MRPL53: variants seen among roughly 807,000 people sequenced by gnomAD.
MRPL53 encodes the protein mitochondrial ribosomal protein L53.
A neutral mutation model predicts 7.5 loss-of-function variants in MRPL53; 7 were observed. That is an observed-to-expected ratio of 0.93 (90% CI 0.53 to 1.75). The LOEUF (loss-of-function observed/expected upper bound fraction) is 1.75, where lower values mean the gene tolerates loss of function less well. MRPL53 is among the 40% of genes most tolerant of loss of function. The pLI, the probability that MRPL53 is intolerant of heterozygous loss-of-function variation, is 0.00. For missense variants in MRPL53, 185 were observed against 159.0 expected, an observed-to-expected ratio of 1.16 and a Z score of -0.88; for synonymous variants, 84 against 64.4, an observed-to-expected ratio of 1.30 and a Z score of -1.46.
Position 74,472,626 on chromosome 2 carries a change from G to C in MRPL53, c.35C>G (p.Pro12Arg), listed in dbSNP as rs968380682. The change falls in exon 1 of 3, where the codon CCT becomes CGT. Residue 12 changes from proline (P) to arginine (R), a missense_variant. Physicochemically the swap from Pro to Arg is moderately radical, Grantham distance 103 (BLOSUM62 -2). Coordinates refer to ENST00000258105, the MANE Select transcript of MRPL53 (RefSeq NM_053050.5). ...AAALARLGLR[P>R]VKQVRVQFCP... ...GAACTGAACCCGAACCTGTTTGACA[G>C]GCCGCAGACCAAGCCGAGCCAAGGC... The C allele has an allele frequency of 6.2e-7, 1 of 1,614,252 alleles. No homozygotes were observed. Among genetic ancestry groups the C allele is most frequent in the Admixed American group, 1.7e-5 (1 of 60,026 alleles).
Position 74,472,571 on chromosome 2 carries a change from C to A in MRPL53, c.90G>T (p.Thr30=). The A allele has an allele frequency of 6.2e-7, 1 of 1,614,254 alleles. No individual in the cohort carries two copies. The highest frequency in any genetic ancestry group is 8.5e-7 in the Non-Finnish European group (1 of 1,180,034). ...TTCTACCCACTTCCCCTTCGTACCT[C>A]GTCGATTCCACGTTTTTCTCGAAGG... ...FCPFEKNVES[T]RTFLQTVSSE... The change falls in exon 1 of 3, where the codon ACG becomes ACT. Residue 30 remains threonine (T), a splice_region_variant and synonymous_variant. Coordinates refer to ENST00000258105, the MANE Select transcript of MRPL53 (RefSeq NM_053050.5).
At position 74,472,601 on chromosome 2, in the gene MRPL53, G is replaced by A. The variant is rs1672207939; in HGVS notation, c.60C>T (p.Phe20=). 1 of 1,614,244 alleles carries A rather than the reference G, an allele frequency of 6.2e-7. No homozygotes were observed. The highest frequency in any genetic ancestry group is 2.2e-5 in the East Asian group (1 of 44,882). The part of the protein sequence containing the change: ...LRPVKQVRVQ[F]CPFEKNVEST... Reference sequence around the variant, plus strand: ...ATTCCACGTTTTTCTCGAAGGGACAGAACTGAACCCGAACCTGTTTGACAG... The same window carrying A: ...ATTCCACGTTTTTCTCGAAGGGACAAAACTGAACCCGAACCTGTTTGACAG... Residue 20 remains phenylalanine (F), a synonymous_variant, in exon 1 of 3, where the codon TTC becomes TTT. Coordinates refer to ENST00000258105, the MANE Select transcript of MRPL53 (RefSeq NM_053050.5).
chr2:74,472,280 G>C (rs775720800), intron 2 of MRPL53, 28 bp from the exon 3 acceptor site: 93 of 1,613,546 alleles, frequency 5.8e-5, no homozygotes, highest in Middle Eastern at 1.6e-4. Context: ...GAGTGAGACA[G>C]GGAGGGACCG....
In MRPL53 at chr2:74,472,582, C is replaced by A; in HGVS notation, c.79G>T (p.Val27Leu). ...RVQFCPFEKN[V>L]ESTRTFLQTV... ...TCCCCTTCGTACCTCGTCGATTCCA[C>A]GTTTTTCTCGAAGGGACAGAACTGA... Residue 27 changes from valine (V) to leucine (L), a missense_variant, in exon 1 of 3, where the codon GTG becomes TTG. Physicochemically the swap from Val to Leu is conservative, Grantham distance 32. Coordinates refer to ENST00000258105, the MANE Select transcript of MRPL53 (RefSeq NM_053050.5). The A allele has an allele frequency of 6.2e-7, 1 of 1,614,254 alleles. No individual in the cohort carries two copies. The highest frequency in any genetic ancestry group is 8.5e-7 in the Non-Finnish European group (1 of 1,180,044).
At chr2:74,472,336 T>C (rs1298093642) in intron 2 of MRPL53, 22 bp downstream of exon 2, 8 of 1,612,920 alleles carry the variant, frequency 5.0e-6, no homozygotes, top group Non-Finnish European at 6.8e-6. Flanking sequence ...TGTTCCCTCC[T>C]GCCCGTCTCC....
chr2:74,472,367 C>T lies in MRPL53; in HGVS notation c.196G>A (p.Val66Met), dbSNP rs746344630. 9.3e-6 allele frequency: 15 copies of T among 1,613,784 alleles called. No individual in the cohort carries two copies. Among genetic ancestry groups the T allele is most frequent in the Admixed American group, 3.3e-5 (2 of 59,978 alleles). The change falls in exon 2 of 3, where the codon GTG becomes ATG. Residue 66 changes from valine to methionine, a missense_variant. Physicochemically the swap from Val to Met is conservative, Grantham distance 21 (BLOSUM62 1). Transcript: ENST00000258105. ...RHDGSEPCVDVLFGDGHRLIM... is the reference protein window; with the variant it reads ...RHDGSEPCVDMLFGDGHRLIM... ...TCTCCACCAAGCCCACCGAACAGCACGTCCACGCAGGGCTCGGAGCCGTCA... is the reference window on the plus strand; with the variant it reads ...TCTCCACCAAGCCCACCGAACAGCATGTCCACGCAGGGCTCGGAGCCGTCA...
In MRPL53 at chr2:74,472,124, G is replaced by A. The variant is rs749014275; in HGVS notation, c.334C>T (p.Arg112Cys). The change falls in exon 3 of 3, where the codon CGC becomes TGC. Residue 112 changes from arginine to cysteine, a missense_variant. Physicochemically the swap from Arg to Cys is radical, Grantham distance 180. Coordinates refer to ENST00000258105, the MANE Select transcript of MRPL53 (RefSeq NM_053050.5). The part of the protein sequence containing the change: ...SGDKPGADTG[R>C] ...TGTTGGTCTCTTTGGCGCTGTCAGCGACCAGTATCAGCGCCCGGCTTGTCC... is the reference window on the plus strand; with the variant it reads ...TGTTGGTCTCTTTGGCGCTGTCAGCAACCAGTATCAGCGCCCGGCTTGTCC... 5 of 1,613,800 alleles carry A rather than the reference G, an allele frequency of 3.1e-6. No individual in the cohort carries two copies. In the East Asian group the frequency reaches 8.9e-5, roughly 29 times the overall value.
chr2:74,472,374 G>C lies in MRPL53; in HGVS notation c.189C>G (p.Cys63Trp). 6.2e-7 allele frequency: 1 copy of C among 1,613,920 alleles called. No individual in the cohort carries two copies. Among genetic ancestry groups the C allele is most frequent in the Non-Finnish European group, 8.5e-7 (1 of 1,179,890 alleles). ...CAAGCCCACCGAACAGCACGTCCACGCAGGGCTCGGAGCCGTCATGCCTCA... is the reference window on the plus strand; with the variant it reads ...CAAGCCCACCGAACAGCACGTCCACCCAGGGCTCGGAGCCGTCATGCCTCA... ...ADVRHDGSEP[C>W]VDVLFGDGHR... The change falls in exon 2 of 3, where the codon TGC becomes TGG. Residue 63 changes from cysteine to tryptophan, a missense_variant. Coordinates refer to ENST00000258105, the MANE Select transcript of MRPL53 (RefSeq NM_053050.5).
At position 74,472,550 on chromosome 2, in the gene MRPL53, A is replaced by C; in HGVS notation, c.92+19T>G. Reference sequence around the variant, plus strand: ...GGAAGGCGCACCACTTCCCGCTTCTACCCACTTCCCCTTCGTACCTCGTCG... The same window carrying C: ...GGAAGGCGCACCACTTCCCGCTTCTCCCCACTTCCCCTTCGTACCTCGTCG... On this transcript the variant is annotated intron_variant, in intron 1 of 2. Transcript: ENST00000258105. The C allele has an allele frequency of 1.2e-6, 2 of 1,614,046 alleles. No individual in the cohort carries two copies. Among genetic ancestry groups the C allele is most frequent in the South Asian group, 2.2e-5 (2 of 91,076 alleles).
Position 74,472,136 on chromosome 2 carries a change from C to T in MRPL53, c.322G>A (p.Ala108Thr). 1 of 1,614,108 alleles carries T rather than the reference C, an allele frequency of 6.2e-7. No individual in the cohort carries two copies. Among genetic ancestry groups the T allele is most frequent in the South Asian group, 1.1e-5 (1 of 91,068 alleles). The change falls in exon 3 of 3, where the codon GCT (alanine) becomes ACT (threonine). Residue 108 changes from alanine to threonine, a missense_variant. Transcript: ENST00000258105. ...DAAGSGDKPGADTGR is the reference protein window; with the variant it reads ...DAAGSGDKPGTDTGR ...TGGCGCTGTCAGCGACCAGTATCAG[C>T]GCCCGGCTTGTCCCCGCTGCCCGCC...
At position 74,472,673 on chromosome 2, in the gene MRPL53, C is replaced by T. The variant is rs1481891729; in HGVS notation, c.-13G>A. ...AGGCAGCTGCCATGGTGACCTCCGC[C>T]CCGGAAGAACTCGTGCAGGCGGAAG... On this transcript the variant is annotated 5_prime_UTR_variant, in exon 1 of 3. Coordinates refer to ENST00000258105, the MANE Select transcript of MRPL53 (RefSeq NM_053050.5). The T allele has an allele frequency of 6.2e-7, 1 of 1,614,056 alleles. No individual in the cohort carries two copies.
Position 74,472,656 on chromosome 2 carries a change from G to A in MRPL53, c.5C>T (p.Ala2Val). The stretch of plus-strand genomic sequence containing the variant: ...CAGACCAAGCCGAGCCAAGGCAGCT[G>A]CCATGGTGACCTCCGCCCCGGAAGA... M[A>V]AALARLGLRP... is the part of the protein sequence containing the mutation. Residue 2 changes from alanine (A) to valine (V), a missense_variant, in exon 1 of 3, where the codon GCA becomes GTA. Transcript: ENST00000258105. 1.2e-6 allele frequency: 2 copies of A among 1,614,248 alleles called. No individual in the cohort carries two copies. Among genetic ancestry groups the A allele is most frequent in the Non-Finnish European group, 8.5e-7 (1 of 1,180,042 alleles).
chr2:74,472,247 C>CT lies in MRPL53; in HGVS notation c.210_211insA (p.Gly71ArgfsTer39). 6.2e-7 allele frequency: 1 copy of CT among 1,614,108 alleles called. No individual in the cohort carries two copies. The highest frequency in any genetic ancestry group is 8.5e-7 in the Non-Finnish European group (1 of 1,180,016). ...GCGCCGCGCATAATCAGGCGATGCC[C>CT]GTCTCCTGGGGAAGAAACAAACGAG... On this transcript the variant is annotated frameshift_variant, in exon 3 of 3. Coordinates refer to ENST00000258105, the MANE Select transcript of MRPL53 (RefSeq NM_053050.5). LOFTEE classifies it low-confidence loss of function (END_TRUNC).
chr2:74,472,121 A>G lies in MRPL53; in HGVS notation c.337T>C (p.Ter113ArgextTer14). The G allele has an allele frequency of 6.2e-7, 1 of 1,613,946 alleles. No homozygotes were observed. The highest frequency in any genetic ancestry group is 8.5e-7 in the Non-Finnish European group (1 of 1,180,006). ...TCTTGTTGGTCTCTTTGGCGCTGTC[A>G]GCGACCAGTATCAGCGCCCGGCTTG... ...GDKPGADTGR* is the reference protein window; with the variant it reads ...GDKPGADTGRR The change falls in exon 3 of 3, where the codon TGA (stop) becomes CGA (arginine). Residue 113 changes from the stop codon to arginine (R), a stop_lost. Coordinates refer to ENST00000258105, the MANE Select transcript of MRPL53 (RefSeq NM_053050.5).
In MRPL53 at chr2:74,472,144, T is replaced by C; in HGVS notation, c.314A>G (p.Lys105Arg). The change falls in exon 3 of 3, where the codon AAG (lysine) becomes AGG (arginine). Residue 105 changes from lysine to arginine, a missense_variant. Physicochemically the swap from Lys to Arg is conservative, Grantham distance 26 (BLOSUM62 2). Transcript: ENST00000258105. ...RARDAAGSGD[K>R]PGADTGR ...TCAGCGACCAGTATCAGCGCCCGGC[T>C]TGTCCCCGCTGCCCGCCGCGTCCCT... 1.2e-6 allele frequency: 2 copies of C among 1,614,166 alleles called. No homozygotes were observed. The highest frequency in any genetic ancestry group is 1.7e-6 in the Non-Finnish European group (2 of 1,180,038).
Position 74,472,012 on chromosome 2 carries a change from G to A in MRPL53, c.*107C>T. On this transcript the variant is annotated 3_prime_UTR_variant, in exon 3 of 3. Transcript: ENST00000258105. ...GTAGCAGGGTTTTAAACTTTATTTT[G>A]CGCTCCGTGACCCTTCAGATAGTGA... 1 of 1,444,890 alleles carries A rather than the reference G, an allele frequency of 6.9e-7. No individual in the cohort carries two copies. Among genetic ancestry groups the A allele is most frequent in the Non-Finnish European group, 9.4e-7 (1 of 1,061,356 alleles). 89.5% of individuals were successfully genotyped at this position (1,444,890 alleles called of 1,614,324 possible). A position where few individuals can be genotyped will look rare whatever the true frequency, so the allele number is the denominator to read the frequency against.
chr2:74,472,134 A>T lies in MRPL53; in HGVS notation c.324T>A (p.Ala108=). The T allele has an allele frequency of 1.2e-6, 2 of 1,614,088 alleles. No individual in the cohort carries two copies. The highest frequency in any genetic ancestry group is 1.7e-6 in the Non-Finnish European group (2 of 1,180,024). Residue 108 remains alanine, a synonymous_variant, in exon 3 of 3, where the codon GCT becomes GCA. Coordinates refer to ENST00000258105, the MANE Select transcript of MRPL53 (RefSeq NM_053050.5). The stretch of plus-strand genomic sequence containing the variant: ...TTTGGCGCTGTCAGCGACCAGTATC[A>T]GCGCCCGGCTTGTCCCCGCTGCCCG... ...DAAGSGDKPG[A]DTGR
In MRPL53 at chr2:74,472,369, T is replaced by C. The variant is rs1558569996; in HGVS notation, c.194A>G (p.Asp65Gly). Residue 65 changes from aspartate (D) to glycine (G), a missense_variant, in exon 2 of 3, where the codon GAC becomes GGC. Physicochemically the swap from Asp to Gly is moderately conservative, Grantham distance 94. Coordinates refer to ENST00000258105, the MANE Select transcript of MRPL53 (RefSeq NM_053050.5). ...TCCACCAAGCCCACCGAACAGCACG[T>C]CCACGCAGGGCTCGGAGCCGTCATG... ...VRHDGSEPCV[D>G]VLFGDGHRLI... 6.2e-7 allele frequency: 1 copy of C among 1,613,920 alleles called. No individual in the cohort carries two copies. The highest frequency in any genetic ancestry group is 2.2e-5 in the East Asian group (1 of 44,876).
In MRPL53 at chr2:74,472,474, CG is replaced by C; in HGVS notation, c.93-5del. 1 of 1,613,952 alleles carries C rather than the reference CG, an allele frequency of 6.2e-7. No individual in the cohort carries two copies. Among genetic ancestry groups the C allele is most frequent in the Non-Finnish European group, 8.5e-7 (1 of 1,179,838 alleles). On this transcript the variant is annotated splice_polypyrimidine_tract_variant and splice_region_variant and intron_variant, in intron 1 of 2. Transcript: ENST00000258105. Reference sequence around the variant, plus strand: ...GCTCACCGTCTGCAGGAAGGTCCTACGGTGGAAAAACAGAGGAGCGCCAAGC... The same window carrying C: ...GCTCACCGTCTGCAGGAAGGTCCTACGTGGAAAAACAGAGGAGCGCCAAGC...
Sources: allele counts gnomAD v4.1 joint callset, GRCh38; gene constraint gnomAD v4.1.1; transcripts MANE v1.5; gene names NCBI Gene and HGNC (gene_info 2026-07-23, HGNC 2026-07-21).